SLAMF7: variants seen among roughly 807,000 people sequenced by gnomAD.
The protein encoded by SLAMF7 is 19A24 protein.
Under a neutral mutation model 34.1 loss-of-function variants are expected in SLAMF7, and 26 were observed. The ratio of observed to expected loss-of-function variants is 0.76; its 90% CI spans 0.56 to 1.06. The LOEUF is 1.06. Among genes scored for constraint, SLAMF7 ranks in the 50% least tolerant of loss-of-function variants. The probability of loss-of-function intolerance (pLI) is 0.00; values close to 1 mark genes in which losing one functional copy is unlikely to be tolerated. For missense variants in SLAMF7, 399 were observed against 402.5 expected, an observed-to-expected ratio of 0.99 and a Z score of 0.07; for synonymous variants, 171 against 156.4, an observed-to-expected ratio of 1.09 and a Z score of -0.70.
intron 1 of SLAMF7, among the ~76,000 whole-genome samples, chr1:160,740,367 G>A (rs2295616): frequency 0.26 from 39,127 of 151,850 alleles, 5,291 homozygotes; most frequent in Non-Finnish European, 0.31. Context: ...GGAGGGGTTG[G>A]GGAAAATTAT....
chr1:160,748,234 C>T lies in SLAMF7; in HGVS notation c.96C>T (p.Ser32=), dbSNP rs565752890. ...GACCCGTGAAAGAGCTGGTCGGTTC[C>T]GTTGGTGGGGCCGTGACTTTCCCCC... The part of the protein sequence containing the change: ...ASGPVKELVG[S]VGGAVTFPLK... Residue 32 remains serine (S), a synonymous_variant, in exon 2 of 7, where the codon TCC becomes TCT. Coordinates refer to ENST00000368043, the MANE Select transcript of SLAMF7 (RefSeq NM_021181.5). 18 of 1,614,002 alleles carry T rather than the reference C, an allele frequency of 1.1e-5. No individual in the cohort carries two copies. In the Admixed American group the frequency reaches 1.7e-4, roughly 15 times the overall value.
At chr1:160,753,045 C>CA in intron 6 of SLAMF7, 61 bp from the exon 7 acceptor site, 1 of 1,504,442 alleles carries the variant, frequency 6.6e-7, no homozygotes, top group Admixed American at 1.7e-5. Flanking sequence ...TCAGGGTCTC[C>CA]ATGGACGATC....
chr1:160,750,470 C>T (rs1664483800), intron 4 of SLAMF7, 47 bp downstream of exon 4: 1 of 1,595,648 alleles, frequency 6.3e-7, no homozygotes, highest in South Asian at 1.1e-5. Flanking sequence ...ATGTTTTTCT[C>T]CTTCACTGAT....
Position 160,748,297 on chromosome 1 carries a change from G to C in SLAMF7, c.159G>C (p.Trp53Cys). 1 of 1,614,056 alleles carries C rather than the reference G, an allele frequency of 6.2e-7. No individual in the cohort carries two copies. Residue 53 changes from tryptophan (W) to cysteine (C), a missense_variant, in exon 2 of 7, where the codon TGG (tryptophan) becomes TGC (cysteine). Transcript: ENST00000368043. ...SKVKQVDSIV[W>C]TFNTTPLVTI... is the part of the protein sequence containing the mutation. ...TAAAGCAAGTTGACTCTATTGTCTG[G>C]ACCTTCAACACAACCCCTCTTGTCA...
chr1:160,742,685 G>A (rs148388903), intron 1 of SLAMF7, among the ~76,000 whole-genome samples: 1 of 152,340 alleles, frequency 6.6e-6, no homozygotes, highest in African/African-American at 2.4e-5. Context: ...ACTCGAAGTG[G>A]TAAGTGGTGA....
In SLAMF7 at chr1:160,752,266, T is replaced by A. The variant is rs749620779; in HGVS notation, c.936+18T>A. 4.4e-6 allele frequency: 7 copies of A among 1,603,906 alleles called. No homozygotes were observed. In the East Asian group the frequency reaches 1.6e-4, roughly 36 times the overall value. On this transcript the variant is annotated intron_variant, in intron 6 of 6. Coordinates refer to ENST00000368043, the MANE Select transcript of SLAMF7 (RefSeq NM_021181.5). ...CGAAAAAGGTAAGAAGCTTTAGAGCTTAACTTCATCTTAATGGTTCCATTT... is the reference window on the plus strand; with the variant it reads ...CGAAAAAGGTAAGAAGCTTTAGAGCATAACTTCATCTTAATGGTTCCATTT...
intron 1 of SLAMF7, 69 bp from the exon 2 acceptor site, chr1:160,748,125 C>T (rs928659237): frequency 1.3e-6 from 2 of 1,522,566 alleles, no homozygotes; most frequent in African/African-American, 2.7e-5. Flanking sequence ...CTCCAGGACC[C>T]AAAGGGGGTG....
In SLAMF7 at chr1:160,753,229, C is replaced by T. The variant is rs1664782972; in HGVS notation, c.*52C>T. 1 of 1,449,984 alleles carries T rather than the reference C, an allele frequency of 6.9e-7. No individual in the cohort carries two copies. The highest frequency in any genetic ancestry group is 1.4e-5 in the African/African-American group (1 of 71,332). 89.8% of individuals were successfully genotyped at this position (1,449,984 alleles called of 1,614,324 possible). A position where few individuals can be genotyped will look rare whatever the true frequency, so the allele number is the denominator to read the frequency against. On this transcript the variant is annotated 3_prime_UTR_variant, in exon 7 of 7. Transcript: ENST00000368043. ...GCTCAAAAAAAAAACAATTCTCGGCCCAAAGAAAACAATCAGAAGAATTCA... is the reference window on the plus strand; with the variant it reads ...GCTCAAAAAAAAAACAATTCTCGGCTCAAAGAAAACAATCAGAAGAATTCA...
At chr1:160,741,553 T>C (rs1033241617) in intron 1 of SLAMF7, among the ~76,000 whole-genome samples, 1 of 151,862 alleles carries the variant, frequency 6.6e-6, no homozygotes, top group Non-Finnish European at 1.5e-5. Context: ...CCACTTTGGG[T>C]TTTTTTTGCC....
intron 1 of SLAMF7, among the ~76,000 whole-genome samples, chr1:160,740,571 G>C (rs1427483806): frequency 6.6e-6 from 1 of 152,170 alleles, no homozygotes; most frequent in Non-Finnish European, 1.5e-5. Context: ...TCCTGGCACT[G>C]GACAAGCGCA....
intron 1 of SLAMF7, 200 bp downstream of exon 1, chr1:160,739,556 T>G (rs1663566228): frequency 1.9e-6 from 1 of 520,624 alleles, no homozygotes; most frequent in Non-Finnish European, 3.4e-6. Flanking sequence ...CTCTGGGAAC[T>G]GACTCCCCTG....
In SLAMF7 at chr1:160,744,201, G is replaced by A. The variant is rs116507594; in HGVS notation, c.56-3993G>A. ...AACTCTATAGGGTCACACACTGCAGGTGCAAAACCATCACAGAAAGAAGAG... is the reference window on the plus strand; with the variant it reads ...AACTCTATAGGGTCACACACTGCAGATGCAAAACCATCACAGAAAGAAGAG... On this transcript the variant is annotated intron_variant, in intron 1 of 6. Coordinates refer to ENST00000368043, the MANE Select transcript of SLAMF7 (RefSeq NM_021181.5). 3.3e-5 allele frequency among the ~76,000 whole-genome samples: 5 copies of A among 152,286 alleles called. 1 individual carries two copies. The highest frequency in any genetic ancestry group is 7.4e-5 in the Non-Finnish European group (5 of 68,010).
chr1:160,750,227 G>T, intron 3 of SLAMF7, 77 bp from the exon 4 acceptor site: 1 of 1,585,674 alleles, frequency 6.3e-7, no homozygotes, highest in Non-Finnish European at 8.6e-7. Context: ...GAGGAAGGTG[G>T]CAGGTGCTCC....
Position 160,750,362 on chromosome 1 carries a change from C to T in SLAMF7, c.708C>T (p.Leu236=), listed in dbSNP as rs144271994. ...MVLLCLLLVP[L]LLSLFVLGLF... is the part of the protein sequence containing the mutation. The stretch of plus-strand genomic sequence containing the variant: ...TCCTGTGTCTCCTGTTGGTGCCCCT[C>T]CTGCTCAGTCTCTTTGTACTGGGGC... The change falls in exon 4 of 7, where the codon CTC becomes CTT. Residue 236 remains leucine (L), a synonymous_variant. Coordinates refer to ENST00000368043, the MANE Select transcript of SLAMF7 (RefSeq NM_021181.5). 3.5e-5 allele frequency: 56 copies of T among 1,614,020 alleles called. No homozygotes were observed. The highest frequency in any genetic ancestry group is 4.6e-5 in the Non-Finnish European group (54 of 1,179,976).
At chr1:160,744,671 C>T (rs1239108978) in intron 1 of SLAMF7, among the ~76,000 whole-genome samples, 2 of 152,170 alleles carry the variant, frequency 1.3e-5, no homozygotes, top group African/African-American at 4.8e-5. Flanking sequence ...TTGCCACTTC[C>T]TCACCTTAAA....
intron 3 of SLAMF7, 66 bp downstream of exon 3, chr1:160,750,159 C>G: frequency 6.3e-7 from 1 of 1,582,844 alleles, no homozygotes. Context: ...AGCTCCTAGC[C>G]CCCATGGGAA....
At position 160,753,579 on chromosome 1, in the gene SLAMF7, C is replaced by G; in HGVS notation, c.*402C>G. 5.4e-6 allele frequency: 1 copy of G among 185,802 alleles called. No homozygotes were observed. Among genetic ancestry groups the G allele is most frequent in the East Asian group, 1.5e-4 (1 of 6,810 alleles). 11.5% of individuals were successfully genotyped at this position (185,802 alleles called of 1,614,324 possible). A position where few individuals can be genotyped will look rare whatever the true frequency, so the allele number is the denominator to read the frequency against. ...CAGGGCTTGGATGTCAGGATTATAC[C>G]AAGAGTCTTGCTACCAGGAGGGCAA... On this transcript the variant is annotated 3_prime_UTR_variant, in exon 7 of 7. Transcript: ENST00000368043.
chr1:160,751,741 T>G (rs1252253252), intron 5 of SLAMF7: 1 of 295,836 alleles, frequency 3.4e-6, no homozygotes, highest in Non-Finnish European at 6.3e-6. Context: ...AGATTCCTTT[T>G]GCATAAGGCA....
At chr1:160,749,121 G>A (rs567435851) in intron 2 of SLAMF7, among the ~76,000 whole-genome samples, 2 of 152,296 alleles carry the variant, frequency 1.3e-5, no homozygotes, top group East Asian at 3.9e-4. Flanking sequence ...TAGGGGATGG[G>A]CCTCCAGACT....
Sources: allele counts gnomAD v4.1 joint callset (sites outside exome capture counted in the v4.1 genomes callset), GRCh38; gene constraint gnomAD v4.1.1; transcripts MANE v1.5; gene names NCBI Gene and HGNC (gene_info 2026-07-23, HGNC 2026-07-21).